Variants in ZNF382 observed in about 807,000 individuals in gnomAD.
ZNF382 encodes the protein KRAB/zinc finger suppressor protein 1.
ZNF382 carries 20 observed loss-of-function variants against 38.8 expected under a neutral mutation model. The observed-to-expected ratio is 0.51, with a 90% CI of 0.36 to 0.75. The LOEUF is 0.75. ZNF382 is among the 30% of genes least tolerant of loss of function. The pLI is 0.00. For synonymous variants in ZNF382, 202 were observed against 223.1 expected (o/e 0.91, Z 0.84); for missense variants, 546 against 654.1 (o/e 0.83, Z 1.80).
chr19:36,627,671 C>T lies in ZNF382; in HGVS notation c.*121C>T. The T allele has an allele frequency of 1.6e-6, 1 of 630,938 alleles. No individual in the cohort carries two copies. The highest frequency in any genetic ancestry group is 2.0e-5 in the South Asian group (1 of 49,650). 39.1% of individuals were successfully genotyped at this position (630,938 alleles called of 1,614,324 possible). On this transcript the variant is annotated 3_prime_UTR_variant, in exon 5 of 5. Coordinates refer to ENST00000292928, the MANE Select transcript of ZNF382 (RefSeq NM_032825.5). Reference sequence around the variant, plus strand: ...TACCACATGGTAACCTACTGTTTGCCAGCCTGTAAAACACACACACACACA... The same window carrying T: ...TACCACATGGTAACCTACTGTTTGCTAGCCTGTAAAACACACACACACACA...
intron 4 of ZNF382, among the ~76,000 whole-genome samples, chr19:36,620,048 A>G (rs2037156924): frequency 6.6e-6 from 1 of 151,982 alleles, no homozygotes; most frequent in Non-Finnish European, 1.5e-5. Flanking sequence ...GCCTTCTTAA[A>G]CCTATCAGAA....
At chr19:36,609,457 A>G (rs991358529) in intron 2 of ZNF382, 5 of 152,570 alleles carry the variant, frequency 3.3e-5, no homozygotes, top group Non-Finnish European at 7.3e-5. Flanking sequence ...CTCCCCATGA[A>G]TTTTTAAAAG....
At chr19:36,622,832 T>G (rs2037180166) in intron 4 of ZNF382, among the ~76,000 whole-genome samples, 1 of 152,218 alleles carries the variant, frequency 6.6e-6, no homozygotes, top group Non-Finnish European at 1.5e-5. Flanking sequence ...TTGGCAGGGT[T>G]AAATTCTTTA....
At chr19:36,626,050 C>T (rs2145335564) in intron 4 of ZNF382, 80 bp from the exon 5 acceptor site, 2 of 988,502 alleles carry the variant, frequency 2.0e-6, no homozygotes, top group South Asian at 3.1e-5. Context: ...TGAGATAGTC[C>T]CACCATAGTT....
intron 4 of ZNF382, among the ~76,000 whole-genome samples, chr19:36,617,368 A>T (rs149212962): frequency 4.6e-5 from 7 of 152,290 alleles, no homozygotes; most frequent in Admixed American, 3.9e-4. Flanking sequence ...GAATCTAAGG[A>T]ATCAAAATGT....
In ZNF382 at chr19:36,627,434, ACT is replaced by A. The variant is rs1292754394; in HGVS notation, c.1539_1540del (p.Thr515ArgfsTer6). 9.9e-6 allele frequency: 16 copies of A among 1,614,022 alleles called. No homozygotes were observed. Among genetic ancestry groups the A allele is most frequent in the Non-Finnish European group, 1.4e-5 (16 of 1,180,026 alleles). On this transcript the variant is annotated frameshift_variant, in exon 5 of 5. Transcript: ENST00000292928. LOFTEE classifies it high-confidence loss of function. ...RKSNLIRHQK[T>X]HTGEKPYECK... ...ATCAAACCTCATTCGCCATCAGAAA[ACT>A]CACACAGGCGAGAAACCATATGAAT... is the stretch of plus-strand genomic sequence containing the variant.
intron 4 of ZNF382, among the ~76,000 whole-genome samples, chr19:36,612,682 G>T (rs1041638767): frequency 6.6e-6 from 1 of 152,040 alleles, no homozygotes; most frequent in Non-Finnish European, 1.5e-5. Flanking sequence ...GTATAACTTC[G>T]CAGTTTTAAT....
Position 36,626,779 on chromosome 19 carries a change from A to G in ZNF382, c.882A>G (p.Lys294=). ...CTCAGAGACCTCAAACAGAAGAGAA[A>G]CCCTTTCACTGTCCTTACTGTGGGA... ...IMPQRPQTEE[K]PFHCPYCGNN... The change falls in exon 5 of 5, where the codon AAA becomes AAG. Residue 294 remains lysine, a synonymous_variant. Transcript: ENST00000292928. The G allele has an allele frequency of 6.2e-7, 1 of 1,614,178 alleles. No individual in the cohort carries two copies. Among genetic ancestry groups the G allele is most frequent in the East Asian group, 2.2e-5 (1 of 44,884 alleles).
intron 4 of ZNF382, among the ~76,000 whole-genome samples, chr19:36,614,986 C>CT (rs777536991): frequency 0.025 from 2,104 of 83,426 alleles, 51 homozygotes; most frequent in African/African-American, 0.047. Context: ...TTCCTTCTTT[C>CT]TTTTTTTTTT....
At chr19:36,610,112 CAT>C in intron 3 of ZNF382, 59 bp downstream of exon 3, 1 of 1,579,804 alleles carries the variant, frequency 6.3e-7, no homozygotes, top group Non-Finnish European at 8.6e-7. Flanking sequence ...ATTCCTGAAA[CAT>C]ATAGGACTTT....
chr19:36,619,473 T>C (rs1281950295), intron 4 of ZNF382, among the ~76,000 whole-genome samples: 3 of 152,178 alleles, frequency 2.0e-5, no homozygotes, highest in Non-Finnish European at 2.9e-5. Context: ...AGTGGTGGGC[T>C]AACTATTTGT....
At chr19:36,607,499 TC>T in intron 1 of ZNF382, 52 bp from the exon 2 acceptor site, 1 of 1,094,830 alleles carries the variant, frequency 9.1e-7, no homozygotes, top group Non-Finnish European at 1.3e-6. Context: ...TTCTGGGAGT[TC>T]TGAGTCAAGT....
intron 4 of ZNF382, among the ~76,000 whole-genome samples, chr19:36,614,495 G>T (rs1416716648): frequency 6.6e-5 from 10 of 152,142 alleles, no homozygotes; most frequent in Admixed American, 1.3e-4. Context: ...GAGTCCTGTG[G>T]TTCATGACAA....
In ZNF382 at chr19:36,618,980, C is replaced by T. The variant is rs772696483; in HGVS notation, c.233-7150C>T. On this transcript the variant is annotated intron_variant, in intron 4 of 4. Transcript: ENST00000292928. ...TAGGACCCAGGAGGTGGAGGTAGAT[C>T]GCGCCACTGCACTCCAGCATAGGTA... Among the ~76,000 whole-genome samples the T allele has an allele frequency of 4.6e-5, 7 of 152,206 alleles. No homozygotes were observed. In the South Asian group the frequency reaches 8.3e-4, roughly 18 times the overall value.
At chr19:36,621,455 G>A (rs528794002) in intron 4 of ZNF382, among the ~76,000 whole-genome samples, 1 of 148,820 alleles carries the variant, frequency 6.7e-6, no homozygotes, top group South Asian at 2.1e-4. Context: ...CATTCCAAAT[G>A]TATTTCTGTC....
At chr19:36,625,127 T>TATATATATATATATATATATAA (rs1305998638) in intron 4 of ZNF382, among the ~76,000 whole-genome samples, 1 of 132,172 alleles carries the variant, frequency 7.6e-6, no homozygotes, top group Non-Finnish European at 1.6e-5. Flanking sequence ...TATATATATA[T>TATATATATATATATATATATAA]AATGTATACA....
In ZNF382 at chr19:36,626,145, C is replaced by T; in HGVS notation, c.248C>T (p.Thr83Ile). 6.5e-7 allele frequency: 1 copy of T among 1,541,598 alleles called. No homozygotes were observed. The highest frequency in any genetic ancestry group is 8.7e-7 in the Non-Finnish European group (1 of 1,151,186). ...TCTTTTCTAGAAGAAGATGGGAAAA[C>T]TGAAGATGTCTTAGTGAAGTTCAAA... ...SYSYLEEDGK[T>I]EDVLVKFKEY... Residue 83 changes from threonine (T) to isoleucine (I), a missense_variant, in exon 5 of 5, where the codon ACT becomes ATT. Transcript: ENST00000292928.
At chr19:36,615,288 T>C (rs954568965) in intron 4 of ZNF382, among the ~76,000 whole-genome samples, 1 of 152,102 alleles carries the variant, frequency 6.6e-6, no homozygotes, top group Non-Finnish European at 1.5e-5. Context: ...CCCGACTATT[T>C]TTAGTAGTTT....
chr19:36,627,710 A>ACAC lies in ZNF382; in HGVS notation c.*160_*161insCAC. On this transcript the variant is annotated 3_prime_UTR_variant, in exon 5 of 5. Transcript: ENST00000292928. ...CACACACACACACACACACACACACAAATATTATTAGACAAATTAGATGAC... is the reference window on the plus strand; with the variant it reads ...CACACACACACACACACACACACACACACAATATTATTAGACAAATTAGATGAC... The ACAC allele has an allele frequency of 1.8e-6, 1 of 548,036 alleles. No individual in the cohort carries two copies. The highest frequency in any genetic ancestry group is 3.0e-5 in the South Asian group (1 of 33,358). The allele number at this position is 548,036 out of a possible 1,614,324, so 33.9% of individuals were successfully genotyped here.
Sources: gnomAD v4.1 joint callset for allele counts (sites outside exome capture counted in the v4.1 genomes callset) on GRCh38, gnomAD v4.1.1 for gene constraint, MANE v1.5 for transcripts, NCBI Gene and HGNC (gene_info 2026-07-23, HGNC 2026-07-21) for gene names.